The following L3MBTL3 variants were observed in gnomAD, a reference collection of about 807,000 sequenced individuals.
L3MBTL3 encodes L3MBTL histone methyl-lysine binding protein 3.
In L3MBTL3, 27 loss-of-function variants were observed where a neutral mutation model predicts 102.3. The observed-to-expected ratio is 0.26, with a 90% CI of 0.19 to 0.36. L3MBTL3 has a LOEUF of 0.36. Ranked by LOEUF, L3MBTL3 falls within the 10% of genes least tolerant of loss-of-function variation. The pLI is 1.00. For synonymous variants in L3MBTL3, 340 were observed against 320.9 expected, an observed-to-expected ratio of 1.06 and a Z score of -0.64; for missense variants, 798 against 955.3, an observed-to-expected ratio of 0.84 and a Z score of 2.17.
At position 130,141,078 on chromosome 6, in the gene L3MBTL3, T is replaced by C. The variant is rs1788232427; in HGVS notation, c.*1325T>C. ...AAATTATTTTGTCCGTCTTTTGATG[T>C]ACTTTCTGATTCCAGGATTGGATAT... is the stretch of plus-strand genomic sequence containing the variant. On this transcript the variant is annotated 3_prime_UTR_variant, in exon 23 of 23. Coordinates refer to ENST00000361794, the MANE Select transcript of L3MBTL3 (RefSeq NM_032438.4). 6.6e-6 allele frequency: 1 copy of C among 152,486 alleles called. No individual in the cohort carries two copies. The highest frequency in any genetic ancestry group is 1.5e-5 in the Non-Finnish European group (1 of 68,046). The allele number at this position is 152,486 out of a possible 1,614,324, so 9.4% of individuals were successfully genotyped here.
chr6:130,123,474 T>C (rs540585155), intron 20 of L3MBTL3, among the ~76,000 whole-genome samples: 1 of 152,304 alleles, frequency 6.6e-6, no homozygotes, highest in African/African-American at 2.4e-5. Flanking sequence ...TGAGAATTAT[T>C]GCACATATTT....
At chr6:130,058,077 A>G (rs1387564620) in intron 9 of L3MBTL3, among the ~76,000 whole-genome samples, 3 of 139,858 alleles carry the variant, frequency 2.1e-5, no homozygotes, top group Admixed American at 7.5e-5. Context: ...CAGGAAGTGG[A>G]GCTTGCAGTG....
intron 14 of L3MBTL3, 63 bp downstream of exon 14, chr6:130,078,697 T>C (rs1783115023): frequency 9.2e-7 from 1 of 1,082,508 alleles, no homozygotes; most frequent in Non-Finnish European, 1.4e-6. Flanking sequence ...AGACTTTTTC[T>C]GTAAAGGGCC....
chr6:130,117,621 A>T (rs982811201), intron 19 of L3MBTL3, among the ~76,000 whole-genome samples: 8 of 152,220 alleles, frequency 5.3e-5, no homozygotes, highest in Admixed American at 2.0e-4. Context: ...CACAGTGCAT[A>T]TTCAGCCAGA....
intron 20 of L3MBTL3, among the ~76,000 whole-genome samples, chr6:130,129,079 C>T (rs1786830417): frequency 6.6e-6 from 1 of 152,050 alleles, no homozygotes; most frequent in Non-Finnish European, 1.5e-5. Context: ...ATTGGTGGTG[C>T]TGTGTTCTAA....
chr6:130,068,234 T>C lies in L3MBTL3; in HGVS notation c.1001-96T>C, dbSNP rs532218744. ...TTTGTTTATTTAAAAAGTCATTTGA[T>C]TGATTTTGGCATGTTAGAGATAAAA... On this transcript the variant is annotated intron_variant, in intron 11 of 22. Coordinates refer to ENST00000361794, the MANE Select transcript of L3MBTL3 (RefSeq NM_032438.4). The C allele has an allele frequency of 2.6e-5, 16 of 621,052 alleles. No homozygotes were observed. The African/African-American group carries it at 2.7e-4, about 10-fold the overall frequency. The allele number at this position is 621,052 out of a possible 1,614,324, so 38.5% of individuals were successfully genotyped here. A position where few individuals can be genotyped will look rare whatever the true frequency, so the allele number is the denominator to read the frequency against.
chr6:130,020,164 C>T (rs1348934484), intron 1 of L3MBTL3, among the ~76,000 whole-genome samples: 1 of 150,782 alleles, frequency 6.6e-6, no homozygotes, highest in Non-Finnish European at 1.5e-5. Context: ...CGTGTGTGTG[C>T]GGTTCCGGAA....
At chr6:130,029,463 CCTAGTCCTGAGTAGTTTCTCAGAAATT>C in intron 2 of L3MBTL3, among the ~76,000 whole-genome samples, 2 of 152,152 alleles carry the variant, frequency 1.3e-5, no homozygotes, top group African/African-American at 4.8e-5. Flanking sequence ...TTGCGAATGG[CCTAGTCCTGAGTAGTTTCTCAGAAATT>C]ACGTCCTTTT....
intron 16 of L3MBTL3, among the ~76,000 whole-genome samples, chr6:130,087,127 A>G (rs7762151): frequency 6.6e-6 from 1 of 152,048 alleles, no homozygotes; most frequent in Non-Finnish European, 1.5e-5. Context: ...TGCCCTTTTT[A>G]AAAAAATTAC....
At chr6:130,115,340 CT>C (rs1756854800) in intron 19 of L3MBTL3, among the ~76,000 whole-genome samples, 2 of 152,206 alleles carry the variant, frequency 1.3e-5, no homozygotes, top group African/African-American at 4.8e-5. Flanking sequence ...GCTTCCTAAC[CT>C]GGTTGGCAAA....
At chr6:130,130,747 T>C (rs1381231308) in intron 20 of L3MBTL3, among the ~76,000 whole-genome samples, 1 of 152,228 alleles carries the variant, frequency 6.6e-6, no homozygotes, top group African/African-American at 2.4e-5. Flanking sequence ...TTTTAAAACA[T>C]ATTTGAAGAT....
intron 20 of L3MBTL3, among the ~76,000 whole-genome samples, chr6:130,122,490 T>G (rs1407830455): frequency 6.6e-6 from 1 of 152,180 alleles, no homozygotes; most frequent in Non-Finnish European, 1.5e-5. Flanking sequence ...TATCTGTCTA[T>G]CCAGGAGGAT....
At chr6:130,052,262 A>G (rs1781152217) in intron 6 of L3MBTL3, among the ~76,000 whole-genome samples, 1 of 151,768 alleles carries the variant, frequency 6.6e-6, no homozygotes, top group South Asian at 2.1e-4. Flanking sequence ...GCACGCCACC[A>G]CACCCAGCTA....
chr6:130,040,749 G>A (rs976744073), intron 2 of L3MBTL3, among the ~76,000 whole-genome samples: 1 of 152,168 alleles, frequency 6.6e-6, no homozygotes, highest in African/African-American at 2.4e-5. Flanking sequence ...AGTGAAAAAG[G>A]CATTCCGTTA....
chr6:130,061,514 G>A (rs913504818), intron 10 of L3MBTL3, among the ~76,000 whole-genome samples: 4 of 152,198 alleles, frequency 2.6e-5, no homozygotes, highest in African/African-American at 9.6e-5. Context: ...AATAAGTAGT[G>A]AAAGGAAATA....
chr6:130,097,378 A>C (rs1303026287), intron 18 of L3MBTL3, among the ~76,000 whole-genome samples: 1 of 152,230 alleles, frequency 6.6e-6, no homozygotes, highest in Non-Finnish European at 1.5e-5. Flanking sequence ...CATAGATAAC[A>C]AAGAAAGTTG....
intron 13 of L3MBTL3, among the ~76,000 whole-genome samples, chr6:130,073,897 C>T (rs1782786314): frequency 6.6e-6 from 1 of 152,142 alleles, no homozygotes; most frequent in African/African-American, 2.4e-5. Flanking sequence ...AGACTTCCAG[C>T]TACTGACATG....
intron 16 of L3MBTL3, among the ~76,000 whole-genome samples, chr6:130,091,415 G>A (rs1014152102): frequency 7.9e-5 from 12 of 151,846 alleles, no homozygotes; most frequent in African/African-American, 2.7e-4. Context: ...AATATCTAAA[G>A]CATTTCAGTA....
chr6:130,046,504 AAG>A (rs1195997855), intron 3 of L3MBTL3, among the ~76,000 whole-genome samples: 1 of 152,242 alleles, frequency 6.6e-6, no homozygotes, highest in East Asian at 1.9e-4. Flanking sequence ...AAAAATAAAA[AAG>A]AGAGTTGAAT....
Sources: gnomAD v4.1 joint callset for allele counts (sites outside exome capture counted in the v4.1 genomes callset) on GRCh38, gnomAD v4.1.1 for gene constraint, MANE v1.5 for transcripts, NCBI Gene and HGNC (gene_info 2026-07-23, HGNC 2026-07-21) for gene names.